DMD: variants seen among roughly 807,000 people sequenced by gnomAD.
DMD encodes mutant dystrophin.
A neutral mutation model predicts 330.1 loss-of-function variants in DMD; 63 were observed. That is an observed-to-expected ratio of 0.19 (90% CI 0.16 to 0.24). DMD has a LOEUF of 0.24. Among genes scored for constraint, DMD ranks in the 10% least tolerant of loss-of-function variants. The probability of loss-of-function intolerance (pLI) is 1.00; values close to 1 mark genes in which losing one functional copy is unlikely to be tolerated. For synonymous variants in DMD, 1,223 were observed against 959.8 expected (o/e 1.27, Z -5.07); for missense variants, 3,344 against 2,684.1 (o/e 1.25, Z -5.43).
intron 50 of DMD, among the ~76,000 whole-genome samples, chrX:31,797,500 T>C (rs1036645388): frequency 6.2e-5 from 7 of 112,066 alleles, no homozygotes; most frequent in Non-Finnish European, 1.3e-4. Flanking sequence ...TTAATACTAA[T>C]TACGTCTTAA....
At chrX:33,031,340 G>A (rs959839686) in intron 1 of DMD, among the ~76,000 whole-genome samples, 2 of 110,479 alleles carry the variant, frequency 1.8e-5, no homozygotes, top group Non-Finnish European at 3.8e-5. Flanking sequence ...TGCTAAGCAT[G>A]CCCTGTAGGG....
intron 44 of DMD, among the ~76,000 whole-genome samples, chrX:31,973,131 A>G (rs762383021): frequency 2.7e-5 from 3 of 110,793 alleles, no homozygotes; most frequent in African/African-American, 9.8e-5. Flanking sequence ...GCACAGCACC[A>G]GGACCCATTC....
intron 61 of DMD, among the ~76,000 whole-genome samples, chrX:31,329,188 G>T (rs1373947323): frequency 8.9e-6 from 1 of 112,217 alleles, no homozygotes; most frequent in East Asian, 2.8e-4. Flanking sequence ...ACAGGTATTT[G>T]CATCAGCATA....
intron 7 of DMD, among the ~76,000 whole-genome samples, chrX:32,751,605 TTC>T (rs1266803132): frequency 8.9e-6 from 1 of 112,227 alleles, no homozygotes; most frequent in African/African-American, 3.2e-5. Context: ...AAATCACACT[TTC>T]TGAGAAGAAA....
chrX:31,635,056 T>C (rs775303701), intron 54 of DMD, among the ~76,000 whole-genome samples: 1 of 111,542 alleles, frequency 9.0e-6, no homozygotes, highest in East Asian at 2.8e-4. Flanking sequence ...GAGTAATGAA[T>C]TACATTTGGT....
chrX:31,989,417 G>A (rs2150307110), intron 44 of DMD, among the ~76,000 whole-genome samples: 1 of 111,656 alleles, frequency 9.0e-6, no homozygotes, highest in African/African-American at 3.3e-5. Context: ...TAAATTTATT[G>A]CAAAATGTTC....
intron 64 of DMD, among the ~76,000 whole-genome samples, chrX:31,212,611 CT>C (rs1194899332): frequency 2.7e-5 from 3 of 111,575 alleles, no homozygotes; most frequent in African/African-American, 9.8e-5. Flanking sequence ...CTATTCCTTC[CT>C]ATGTAAGACA....
chrX:31,226,163 G>T (rs755922800), intron 63 of DMD, among the ~76,000 whole-genome samples: 1 of 111,738 alleles, frequency 8.9e-6, no homozygotes, highest in Admixed American at 9.4e-5. Flanking sequence ...CTGTGAATCC[G>T]AATCAATATT....
intron 48 of DMD, among the ~76,000 whole-genome samples, chrX:31,870,984 A>G (rs768059733): frequency 1.8e-5 from 2 of 112,210 alleles, no homozygotes; most frequent in Non-Finnish European, 1.9e-5. Flanking sequence ...CCTCTAGCTC[A>G]TTATTGAAAG....
At chrX:32,330,334 G>A (rs1302953453) in intron 41 of DMD, among the ~76,000 whole-genome samples, 1 of 112,181 alleles carries the variant, frequency 8.9e-6, no homozygotes, top group Non-Finnish European at 1.9e-5. Flanking sequence ...GAAAATCAAA[G>A]TGGAAAACAA....
intron 9 of DMD, among the ~76,000 whole-genome samples, chrX:32,687,264 C>A (rs959709447): frequency 8.9e-6 from 1 of 111,918 alleles, no homozygotes; most frequent in African/African-American, 3.2e-5. Context: ...AGGCACCATG[C>A]TAGCCACATT....
intron 47 of DMD, among the ~76,000 whole-genome samples, chrX:31,928,678 G>C (rs2094813865): frequency 9.0e-6 from 1 of 111,146 alleles, no homozygotes; most frequent in Non-Finnish European, 1.9e-5. Context: ...CACTGAGCTG[G>C]ACACACGAAA....
chrX:32,576,022 G>A (rs905352973), intron 13 of DMD, among the ~76,000 whole-genome samples: 1 of 111,821 alleles, frequency 8.9e-6, no homozygotes, highest in Admixed American at 9.5e-5. Context: ...TCCAAATAAA[G>A]ATCCCCTATT....
At position 32,472,192 on chromosome X, in the gene DMD, A is replaced by T; in HGVS notation, c.2921T>A (p.Ile974Asn). ...IPQLSVTDYE[I>N]MEQRLGELQA... is the part of the protein sequence containing the mutation. ...CAATTCCCCGAGTCTCTGCTCCATG[A>T]TTTCATAGTCGGTGACACTAAGTTG... is the stretch of plus-strand genomic sequence containing the variant. The change falls in exon 22 of 79, where the codon ATC (isoleucine) becomes AAC (asparagine). Residue 974 changes from isoleucine (I) to asparagine (N), a missense_variant. By Grantham distance (149) the Ile-to-Asn change is moderately radical. Transcript: ENST00000357033. The T allele has an allele frequency of 8.3e-7, 1 of 1,211,320 alleles. No individual in the cohort carries two copies. Among genetic ancestry groups the T allele is most frequent in the Non-Finnish European group, 1.1e-6 (1 of 895,283 alleles).
chrX:32,312,942 C>CAAAAAAAAAAAAAAAAAAAAAAA lies in DMD; in HGVS notation c.5923-2667_5923-2666insTTTTTTTTTTTTTTTTTTTTTTT, dbSNP rs767993498. ...ATTGAGGCAGTAATAGCCTACGAAC[C>CAAAAAAAAAAAAAAAAAAAAAAA]AAAAAAAAAAAAAAAAAAAAAAGCC... On this transcript the variant is annotated intron_variant, in intron 41 of 78. Coordinates refer to ENST00000357033, the MANE Select transcript of DMD (RefSeq NM_004006.3). Among the ~76,000 whole-genome samples, 18 of 20,404 alleles carry CAAAAAAAAAAAAAAAAAAAAAAA rather than the reference C, an allele frequency of 8.8e-4. 3 individuals are homozygous for CAAAAAAAAAAAAAAAAAAAAAAA. In the East Asian group the frequency reaches 9.2e-3, roughly 10 times the overall value. The allele number at this position is 20,404 out of a possible 115,157, so 17.7% of individuals were successfully genotyped here.
Position 31,582,059 on chromosome X carries a change from T to C in DMD, c.8217+45614A>G, listed in dbSNP as rs192850860. ...TCTGGCACATGTATACATATGTAAC[T>C]AACCTGCACATTGTGCACATGTACC... On this transcript the variant is annotated intron_variant, in intron 55 of 78. Transcript: ENST00000357033. Among the ~76,000 whole-genome samples the C allele has an allele frequency of 1.8e-4, 20 of 111,629 alleles. No homozygotes were observed. In the East Asian group the frequency reaches 3.9e-3, roughly 22 times the overall value.
chrX:32,650,538 T>G (rs978985762), intron 9 of DMD, among the ~76,000 whole-genome samples: 5 of 111,845 alleles, frequency 4.5e-5, no homozygotes, highest in South Asian at 3.7e-4. Context: ...GATTAGTACC[T>G]GGAAATATTC....
chrX:31,553,570 C>A (rs1221977540), intron 55 of DMD, among the ~76,000 whole-genome samples: 3 of 112,187 alleles, frequency 2.7e-5, no homozygotes, highest in Non-Finnish European at 3.8e-5. Flanking sequence ...CATTTTAAGT[C>A]CTTGTTTGTT....
At chrX:32,283,026 G>A (rs2097426281) in intron 43 of DMD, among the ~76,000 whole-genome samples, 1 of 112,172 alleles carries the variant, frequency 8.9e-6, no homozygotes. Context: ...AAATGTCAGT[G>A]AACTTCACAG....
Sources: gnomAD v4.1 joint callset for allele counts (sites outside exome capture counted in the v4.1 genomes callset) on GRCh38, gnomAD v4.1.1 for gene constraint, MANE v1.5 for transcripts, NCBI Gene and HGNC (gene_info 2026-07-23, HGNC 2026-07-21) for gene names.